The following ANKRD29 variants were observed in gnomAD, a reference collection of about 807,000 sequenced individuals.
ANKRD29 encodes ankyrin repeat domain 29, also known as ankyrin repeat domain-containing protein 29.
A neutral mutation model predicts 38.0 loss-of-function variants in ANKRD29; 32 were observed. That is an observed-to-expected ratio of 0.84 (90% CI 0.64 to 1.13). ANKRD29 has a LOEUF of 1.13. Ranked by LOEUF, ANKRD29 falls within the 50% of genes most tolerant of loss-of-function variation. The probability of loss-of-function intolerance (pLI) is 0.00; values close to 1 mark genes in which losing one functional copy is unlikely to be tolerated. For missense variants in ANKRD29, 357 were observed against 377.9 expected, an observed-to-expected ratio of 0.94 and a Z score of 0.46; for synonymous variants, 135 against 152.4, an observed-to-expected ratio of 0.89 and a Z score of 0.84.
intron 4 of ANKRD29, 126 bp from the exon 5 acceptor site, chr18:23,634,275 C>CTTT: frequency 1.9e-6 from 1 of 538,154 alleles, no homozygotes; most frequent in Non-Finnish European, 3.1e-6. Flanking sequence ...ACTCACTTTC[C>CTTT]CTGTTTTTTT....
At chr18:23,605,398 T>C (rs2059562988) in intron 9 of ANKRD29, among the ~76,000 whole-genome samples, 1 of 152,022 alleles carries the variant, frequency 6.6e-6, no homozygotes, top group African/African-American at 2.4e-5. Context: ...GATAGGGTCT[T>C]GCTATGTTGC....
chr18:23,611,528 C>T (rs2059641494), intron 9 of ANKRD29, among the ~76,000 whole-genome samples: 1 of 151,798 alleles, frequency 6.6e-6, no homozygotes, highest in African/African-American at 2.4e-5. Context: ...TACTAAAACA[C>T]AAAAAAATTA....
At chr18:23,628,833 CAAAAAAA>C (rs60035025) in intron 6 of ANKRD29, among the ~76,000 whole-genome samples, 1 of 129,002 alleles carries the variant, frequency 7.8e-6, no homozygotes, top group Non-Finnish European at 1.7e-5. Flanking sequence ...GACGCTGTCT[CAAAAAAA>C]AAAAAAAAAA....
chr18:23,662,024 G>GAA (rs369229716), intron 1 of ANKRD29, among the ~76,000 whole-genome samples: 10 of 99,098 alleles, frequency 1.0e-4, no homozygotes, highest in Non-Finnish European at 1.5e-4. Flanking sequence ...TTTCTCATTT[G>GAA]AAAAAAAAAA....
chr18:23,647,621 G>C (rs1461311896), intron 2 of ANKRD29: 1 of 152,102 alleles, frequency 6.6e-6, no homozygotes, highest in African/African-American at 2.4e-5. Context: ...CCAGGTTCAA[G>C]TGATTCTCTT....
At chr18:23,632,130 C>T (rs1302653026) in intron 5 of ANKRD29, among the ~76,000 whole-genome samples, 2 of 152,242 alleles carry the variant, frequency 1.3e-5, no homozygotes, top group Admixed American at 6.5e-5. Flanking sequence ...AGAAATTAAT[C>T]AGCCTGTACA....
At chr18:23,643,826 A>G (rs1414291941) in intron 3 of ANKRD29, among the ~76,000 whole-genome samples, 2 of 152,220 alleles carry the variant, frequency 1.3e-5, no homozygotes, top group East Asian at 3.9e-4. Flanking sequence ...AAGGAGTGGC[A>G]GGTAGTTTTT....
intron 5 of ANKRD29, among the ~76,000 whole-genome samples, chr18:23,632,790 A>G (rs2059950739): frequency 6.6e-6 from 1 of 152,074 alleles, no homozygotes; most frequent in Admixed American, 6.6e-5. Flanking sequence ...AAGTAATTCA[A>G]TCATTCTACT....
intron 9 of ANKRD29, among the ~76,000 whole-genome samples, chr18:23,607,071 C>A (rs2059583412): frequency 6.6e-6 from 1 of 152,160 alleles, no homozygotes; most frequent in African/African-American, 2.4e-5. Context: ...CTGGATCCTG[C>A]CCCCTGACCT....
chr18:23,633,255 C>T (rs1045682319), intron 5 of ANKRD29, among the ~76,000 whole-genome samples: 1 of 152,200 alleles, frequency 6.6e-6, no homozygotes, highest in Non-Finnish European at 1.5e-5. Flanking sequence ...TTTCACAGGT[C>T]AATGGCATGT....
At chr18:23,642,407 G>C (rs921560816) in intron 3 of ANKRD29, among the ~76,000 whole-genome samples, 1 of 152,068 alleles carries the variant, frequency 6.6e-6, no homozygotes, top group East Asian at 1.9e-4. Flanking sequence ...CGGTACATCT[G>C]GTCCAGCCAC....
chr18:23,656,943 T>G (rs1178459013), intron 1 of ANKRD29, among the ~76,000 whole-genome samples: 2 of 152,172 alleles, frequency 1.3e-5, no homozygotes, highest in Non-Finnish European at 2.9e-5. Flanking sequence ...CCTCTCTCCC[T>G]GCCTCAACCT....
chr18:23,650,960 C>T (rs9949997), intron 1 of ANKRD29, among the ~76,000 whole-genome samples: 2,480 of 152,182 alleles, frequency 0.016, 76 homozygotes, highest in African/African-American at 0.057. Context: ...AACATCTACG[C>T]GACTCAAAAG....
chr18:23,638,931 A>G lies in ANKRD29; in HGVS notation c.248T>C (p.Leu83Pro). 1.2e-6 allele frequency: 2 copies of G among 1,611,678 alleles called. No individual in the cohort carries two copies. Among genetic ancestry groups the G allele is most frequent in the Non-Finnish European group, 1.7e-6 (2 of 1,179,384 alleles). The change falls in exon 4 of 10, where the codon CTA (leucine) becomes CCA (proline). Residue 83 changes from leucine (L) to proline (P), a missense_variant. Physicochemically the swap from Leu to Pro is moderately conservative, Grantham distance 98. Coordinates refer to ENST00000592179, the MANE Select transcript of ANKRD29 (RefSeq NM_173505.4). ...ATGGCCTTGCTGGGCGGCAAAGAAT[A>G]GGGCAGTTGTACCTGACTGGGAGAG... is the stretch of plus-strand genomic sequence containing the variant. ...NLQRESGTTA[L>P]FFAAQQGHND...
chr18:23,626,001 A>G (rs1283580575), intron 6 of ANKRD29, among the ~76,000 whole-genome samples: 3 of 152,094 alleles, frequency 2.0e-5, no homozygotes, highest in Admixed American at 6.6e-5. Flanking sequence ...CAGTCGATAC[A>G]CTTTTTCTGA....
At position 23,632,248 on chromosome 18, in the gene ANKRD29, T is replaced by A. The variant is rs909785151; in HGVS notation, c.429+1803A>T. On this transcript the variant is annotated intron_variant, in intron 5 of 9. Transcript: ENST00000592179. ...TTTCTTTTTCTTTTTCTTTTTTTAA[T>A]TTTTTTTTAACTCTCAGGAATTTTC... 6.6e-5 allele frequency among the ~76,000 whole-genome samples: 10 copies of A among 151,592 alleles called. No individual in the cohort carries two copies. In the East Asian group the frequency reaches 1.4e-3, roughly 21 times the overall value.
At chr18:23,634,178 A>AGAGGTG in intron 4 of ANKRD29, 29 bp from the exon 5 acceptor site, 2 of 1,582,456 alleles carry the variant, frequency 1.3e-6, no homozygotes, top group Admixed American at 3.4e-5. Flanking sequence ...TAAACACATT[A>AGAGGTG]GAGGTGGCGC....
chr18:23,613,573 T>G (rs564439305), intron 8 of ANKRD29, among the ~76,000 whole-genome samples: 10 of 152,184 alleles, frequency 6.6e-5, no homozygotes, highest in Admixed American at 4.6e-4. Context: ...AGAATTCACT[T>G]TCATAGATGG....
chr18:23,648,266 T>TC (rs2060165584), intron 2 of ANKRD29: 1 of 151,990 alleles, frequency 6.6e-6, no homozygotes, highest in African/African-American at 2.4e-5. Flanking sequence ...ACCAAAGATA[T>TC]CCCGTAAACC....
Sources: gnomAD v4.1 joint callset for allele counts (sites outside exome capture counted in the v4.1 genomes callset) on GRCh38, gnomAD v4.1.1 for gene constraint, MANE v1.5 for transcripts, NCBI Gene and HGNC (gene_info 2026-07-23, HGNC 2026-07-21) for gene names.